The following MACF1 variants were observed in gnomAD, a reference collection of about 807,000 sequenced individuals.
MACF1 encodes microtubule-actin cross-linking factor 1.
In MACF1, 193 loss-of-function variants were observed where a neutral mutation model predicts 854.8. The observed-to-expected ratio is 0.23, with a 90% CI of 0.20 to 0.25. The LOEUF is 0.25. Ranked by LOEUF, MACF1 falls within the 10% of genes least tolerant of loss-of-function variation. The probability of loss-of-function intolerance (pLI) is 1.00; values close to 1 mark genes in which losing one functional copy is unlikely to be tolerated. For synonymous variants in MACF1, 3,185 were observed against 3,226.7 expected (o/e 0.99, Z 0.44); for missense variants, 7,722 against 8,929.1 (o/e 0.86, Z 5.45).
At chr1:39,225,602 T>A (rs1320584845) in intron 1 of MACF1, among the ~76,000 whole-genome samples, 1 of 152,232 alleles carries the variant, frequency 6.6e-6, no homozygotes, top group African/African-American at 2.4e-5. Context: ...GAAACTTAGA[T>A]GGACAGTAGG....
chr1:39,285,338 G>C lies in MACF1; in HGVS notation c.1301G>C (p.Gly434Ala). ...LLQIANKIQN[G>A]ALNCEEKLTL... ...CAGATTGCAAACAAAATCCAGAATG[G>C]TGCTTTGAACTGTGAAGAAAAACTG... The change falls in exon 13 of 101, where the codon GGT becomes GCT. Residue 434 changes from glycine (G) to alanine (A), a missense_variant. Gly to Ala is a moderately conservative substitution (Grantham distance 60). Around this residue, in one of 15 missense-constraint regions of MACF1, gnomAD observed 1,137 missense variants for 1,263.0 expected, o/e 0.90. Transcript: ENST00000564288. 6.2e-7 allele frequency: 1 copy of C among 1,614,136 alleles called. No individual in the cohort carries two copies. Among genetic ancestry groups the C allele is most frequent in the Non-Finnish European group, 8.5e-7 (1 of 1,180,020 alleles).
In MACF1 at chr1:39,443,447, C is replaced by T. The variant is rs950690658; in HGVS notation, c.19304C>T (p.Ala6435Val). ...GTTGATATATCTTTTTCTCAAAAGG[C>T]CCAGGGCTTCCACAGTGAAATTGAA... Reference protein sequence around the residue: ...EQQLQSTLQQAQGFHSEIEDF... With the variant: ...EQQLQSTLQQVQGFHSEIEDF... The change falls in exon 79 of 101, where the codon GCC becomes GTC. Residue 6435 changes from alanine to valine, a missense_variant and splice_region_variant. Ala to Val is a moderately conservative substitution (Grantham distance 64). Transcript: ENST00000564288. 17 of 1,607,588 alleles carry T rather than the reference C, an allele frequency of 1.1e-5. No individual in the cohort carries two copies. The Middle Eastern group carries it at 1.5e-3, about 141-fold the overall frequency.
intron 2 of MACF1, among the ~76,000 whole-genome samples, chr1:39,184,486 A>G (rs1217065519): frequency 6.6e-6 from 1 of 152,124 alleles, no homozygotes; most frequent in Non-Finnish European, 1.5e-5. Context: ...TTTTGGCAAG[A>G]GCTAGATCTT....
intron 2 of MACF1, among the ~76,000 whole-genome samples, chr1:39,109,817 A>G (rs1642348431): frequency 6.6e-6 from 1 of 152,220 alleles, no homozygotes; most frequent in African/African-American, 2.4e-5. Flanking sequence ...TTAAAATCAC[A>G]GTAGATGACT....
At chr1:39,316,359 G>A (rs1310602009) in intron 27 of MACF1, 32 bp from the exon 28 acceptor site, 3 of 1,573,312 alleles carry the variant, frequency 1.9e-6, no homozygotes, top group South Asian at 2.4e-5. Flanking sequence ...AAATTCATGT[G>A]TTAATGAAGG....
chr1:39,421,473 T>C (rs141701883), intron 58 of MACF1, among the ~76,000 whole-genome samples: 1 of 152,328 alleles, frequency 6.6e-6, no homozygotes, highest in East Asian at 1.9e-4. Context: ...GTTTCAAGAT[T>C]ATTGTTGTGT....
rs1643649401 is a variant in MACF1, at chr1:39,424,161, G to T, written c.16283G>T (p.Arg5428Ile). 6.2e-7 allele frequency: 1 copy of T among 1,613,582 alleles called. No individual in the cohort carries two copies. Among genetic ancestry groups the T allele is most frequent in the African/African-American group, 1.3e-5 (1 of 74,786 alleles). The part of the protein sequence containing the change: ...ITGQLESLES[R>I]WTELLSKAAA... ...GGACAGCTGGAGAGTCTTGAAAGTA[G>T]ATGGACTGAACTACTCAGTAAGGCA... is the stretch of plus-strand genomic sequence containing the variant. The change falls in exon 61 of 101, where the codon AGA becomes ATA. Residue 5428 changes from arginine (R) to isoleucine (I), a missense_variant. By Grantham distance (97) the Arg-to-Ile change is moderately conservative. Coordinates refer to ENST00000564288, the MANE Select transcript of MACF1 (RefSeq NM_001394062.1).
rs775612552 is a variant in MACF1 at position 39,334,040 on chromosome 1, T to A, written c.7452T>A (p.Ile2484=). 13 of 1,614,184 alleles carry A rather than the reference T, an allele frequency of 8.1e-6. No individual in the cohort carries two copies. The highest frequency in any genetic ancestry group is 1.1e-5 in the Non-Finnish European group (13 of 1,180,010). The change falls in exon 37 of 101, where the codon ATT becomes ATA. Residue 2484 remains isoleucine, a synonymous_variant. Transcript: ENST00000564288. ...CACCTTTAACAGTTGTGCAGTCCAT[T>A]GACAGAGGTCTTTTGGAGAGAGAGG... ...SKAPLTVVQS[I]DRGLLEREEA... is the part of the protein sequence containing the mutation.
chr1:39,253,054 A>G (rs1036749776), intron 4 of MACF1, among the ~76,000 whole-genome samples: 1 of 152,250 alleles, frequency 6.6e-6, no homozygotes, highest in Non-Finnish European at 1.5e-5. Flanking sequence ...GGTATAATCT[A>G]GTGAGAGTGA....
intron 58 of MACF1, chr1:39,412,797 A>G (rs747181233): frequency 6.2e-7 from 1 of 1,612,578 alleles, no homozygotes; most frequent in Admixed American, 1.7e-5. Context: ...CCACTGTCAA[A>G]GATGCCCTAG....
chr1:39,323,618 A>T (rs74066746), intron 33 of MACF1, among the ~76,000 whole-genome samples: 2 of 152,200 alleles, frequency 1.3e-5, no homozygotes, highest in African/African-American at 4.8e-5. Flanking sequence ...AACTTACATA[A>T]TTATGTATTT....
chr1:39,299,734 A>T (rs942695172), intron 21 of MACF1, among the ~76,000 whole-genome samples: 1 of 152,202 alleles, frequency 6.6e-6, no homozygotes, highest in Non-Finnish European at 1.5e-5. Flanking sequence ...AGAGCTTGGG[A>T]GATATAATTA....
chr1:39,293,654 A>C (rs985493432), intron 18 of MACF1, 35 bp downstream of exon 18: 1 of 1,586,302 alleles, frequency 6.3e-7, no homozygotes, highest in Non-Finnish European at 8.6e-7. Flanking sequence ...TGTCATACTT[A>C]TTTAACAGCA....
chr1:39,268,887 C>G, intron 6 of MACF1: 2 of 1,289,244 alleles, frequency 1.6e-6, no homozygotes. Flanking sequence ...GACTGAAACC[C>G]TAACGAAGTT....
intron 30 of MACF1, among the ~76,000 whole-genome samples, 181 bp downstream of exon 30, chr1:39,318,796 C>T (rs1646460362): frequency 6.6e-6 from 1 of 152,074 alleles, no homozygotes; most frequent in Non-Finnish European, 1.5e-5. Flanking sequence ...GACTAGAGAA[C>T]CTGTAAGGTA....
intron 79 of MACF1, among the ~76,000 whole-genome samples, chr1:39,444,302 C>T (rs1644180369): frequency 6.6e-6 from 1 of 151,842 alleles, no homozygotes; most frequent in South Asian, 2.1e-4. Context: ...TGCCACTGCA[C>T]TCCAGCCTGG....
At chr1:39,192,239 G>T (rs150437119) in intron 2 of MACF1, among the ~76,000 whole-genome samples, 2 of 152,254 alleles carry the variant, frequency 1.3e-5, no homozygotes, top group Admixed American at 6.5e-5. Flanking sequence ...GAGGATGCAC[G>T]CTGGGGAAAG....
At chr1:39,461,578 C>T (rs984635960) in intron 92 of MACF1, among the ~76,000 whole-genome samples, 1 of 151,928 alleles carries the variant, frequency 6.6e-6, no homozygotes, top group Non-Finnish European at 1.5e-5. Flanking sequence ...CACTTGAGGC[C>T]AGGAGTTCAA....
intron 24 of MACF1, among the ~76,000 whole-genome samples, 180 bp from the exon 25 acceptor site, chr1:39,310,065 A>G (rs1472162760): frequency 6.6e-6 from 1 of 152,176 alleles, no homozygotes; most frequent in Non-Finnish European, 1.5e-5. Context: ...GGTGCTGGTA[A>G]TGTTCTGCTT....
Sources: allele counts gnomAD v4.1 joint callset (sites outside exome capture counted in the v4.1 genomes callset), GRCh38; gene constraint gnomAD v4.1.1; regional missense constraint gnomAD v4.1.1; transcripts MANE v1.5; gene names NCBI Gene and HGNC (gene_info 2026-07-23, HGNC 2026-07-21).